Variants in SMAD9 observed in about 807,000 individuals in gnomAD.
SMAD9 encodes MAD homolog 9.
In SMAD9, 36 loss-of-function variants were observed where a neutral mutation model predicts 46.1. The ratio of observed to expected loss-of-function variants is 0.78; its 90% CI spans 0.60 to 1.03. The LOEUF (loss-of-function observed/expected upper bound fraction) is 1.03, where lower values mean the gene tolerates loss of function less well. Among genes scored for constraint, SMAD9 ranks in the 50% least tolerant of loss-of-function variants. SMAD9 has a pLI of 0.00. For synonymous variants in SMAD9, 245 were observed against 237.1 expected (o/e 1.03, Z -0.31); for missense variants, 572 against 599.8 (o/e 0.95, Z 0.48).
chr13:36,858,285 T>G (rs908257796), intron 5 of SMAD9, among the ~76,000 whole-genome samples: 1 of 152,244 alleles, frequency 6.6e-6, no homozygotes, highest in Non-Finnish European at 1.5e-5. Flanking sequence ...GAGGCAGGTC[T>G]TCCAGAGGAC....
rs1166859012 is a variant in SMAD9, at chr13:36,862,950, G to A, written c.1003+2587C>T. Among the ~76,000 whole-genome samples, 5 of 152,326 alleles carry A rather than the reference G, an allele frequency of 3.3e-5. No homozygotes were observed. In the East Asian group the frequency reaches 5.8e-4, roughly 18 times the overall value. On this transcript the variant is annotated intron_variant, in intron 5 of 6. Coordinates refer to ENST00000379826, the MANE Select transcript of SMAD9 (RefSeq NM_001127217.3). ...CAGCAGCAAGCAATCCAGGAAGCCT[G>A]CTCATGGTCTTTCTTCCACTGTTGC...
At chr13:36,871,330 C>T (rs1353206099) in intron 3 of SMAD9, among the ~76,000 whole-genome samples, 3 of 152,046 alleles carry the variant, frequency 2.0e-5, no homozygotes, top group Non-Finnish European at 2.9e-5. Flanking sequence ...CCAGCCTGGC[C>T]AACATGGTGA....
At chr13:36,868,304 G>A (rs1381823515) in intron 3 of SMAD9, among the ~76,000 whole-genome samples, 3 of 152,192 alleles carry the variant, frequency 2.0e-5, no homozygotes, top group Non-Finnish European at 2.9e-5. Flanking sequence ...TCTAATGCAG[G>A]GTTCGTGGAC....
intron 1 of SMAD9, among the ~76,000 whole-genome samples, chr13:36,881,937 A>C (rs2058406228): frequency 6.6e-6 from 1 of 152,186 alleles, no homozygotes; most frequent in South Asian, 2.1e-4. Context: ...CTTTAAGCTG[A>C]GGTCAGTCAT....
intron 2 of SMAD9, among the ~76,000 whole-genome samples, chr13:36,874,854 C>CA (rs529721275): frequency 0.089 from 5,806 of 65,134 alleles, 128 homozygotes; most frequent in Non-Finnish European, 0.11. Flanking sequence ...GACTCCGTCC[C>CA]AAAAAAAAAA....
chr13:36,900,128 T>C (rs954448873), intron 1 of SMAD9, among the ~76,000 whole-genome samples: 2 of 152,162 alleles, frequency 1.3e-5, no homozygotes, highest in Admixed American at 6.5e-5. Flanking sequence ...AAATGCCTCC[T>C]TACTTTCCCT....
intron 3 of SMAD9, among the ~76,000 whole-genome samples, chr13:36,870,709 T>C (rs549463946): frequency 2.4e-5 from 3 of 126,372 alleles, no homozygotes; most frequent in South Asian, 4.6e-4. Context: ...ACTATGTTTT[T>C]TTTCCTATAC....
At chr13:36,905,774 C>CAAAAAAAAA (rs60358673) in intron 1 of SMAD9, among the ~76,000 whole-genome samples, 32 of 66,460 alleles carry the variant, frequency 4.8e-4, no homozygotes, top group South Asian at 6.1e-4. Context: ...GACCCTGTCT[C>CAAAAAAAAA]AAAAAAAAAA....
chr13:36,912,890 T>G (rs995215008), intron 1 of SMAD9, among the ~76,000 whole-genome samples: 1 of 152,016 alleles, frequency 6.6e-6, no homozygotes, highest in Admixed American at 6.6e-5. Flanking sequence ...AATACAGTCA[T>G]CCCCAGGTAT....
chr13:36,908,882 T>C (rs1382914394), intron 1 of SMAD9, among the ~76,000 whole-genome samples: 1 of 152,208 alleles, frequency 6.6e-6, no homozygotes, highest in Non-Finnish European at 1.5e-5. Flanking sequence ...AGGCCATGAC[T>C]ACAAGGGATA....
In SMAD9 at chr13:36,853,171, G is replaced by A. The variant is rs1450985974; in HGVS notation, c.1260+248C>T. On this transcript the variant is annotated intron_variant, in intron 6 of 6. Transcript: ENST00000379826. ...GTGGTGGTGCGTGCCTGTAGTCCCA[G>A]CTACCCGGGAGGCTGAGGTAGGAAA... Among the ~76,000 whole-genome samples, 17 of 152,258 alleles carry A rather than the reference G, an allele frequency of 1.1e-4. No homozygotes were observed. The South Asian group carries it at 3.3e-3, about 30-fold the overall frequency.
chr13:36,866,460 CTTCT>C (rs1249097828), intron 4 of SMAD9, among the ~76,000 whole-genome samples: 1 of 152,086 alleles, frequency 6.6e-6, no homozygotes, highest in East Asian at 1.9e-4. Flanking sequence ...TTCAGAGTTC[CTTCT>C]TTCTTTGCCA....
chr13:36,888,292 C>G lies in SMAD9; in HGVS notation c.-186-8417G>C, dbSNP rs547809714. On this transcript the variant is annotated intron_variant, in intron 1 of 6. Coordinates refer to ENST00000379826, the MANE Select transcript of SMAD9 (RefSeq NM_001127217.3). ...TGATAATGAGTTCTCATGAGATCTG[C>G]TTGTTTGGTAAGTGTCTCGCACTTC... is the stretch of plus-strand genomic sequence containing the variant. Among the ~76,000 whole-genome samples, 59 of 152,258 alleles carry G rather than the reference C, an allele frequency of 3.9e-4. 1 individual carries two copies. The South Asian group carries it at 8.5e-3, about 22-fold the overall frequency.
At position 36,872,819 on chromosome 13, in the gene SMAD9, A is replaced by AGT. The variant is rs1431349802; in HGVS notation, c.507_508dup (p.Leu170HisfsTer77). On this transcript the variant is annotated frameshift_variant, in exon 3 of 7. Transcript: ENST00000379826. LOFTEE classifies it high-confidence loss of function. ...AGGATAGGTGGCGTTGTGTGGCATG[A>AGT]GTGGCTCACTGTGCAGGGAGGCGCT... The AGT allele has an allele frequency of 6.2e-7, 1 of 1,614,050 alleles. No homozygotes were observed. Among genetic ancestry groups the AGT allele is most frequent in the African/African-American group, 1.3e-5 (1 of 75,004 alleles).
At chr13:36,909,695 CAAGT>C (rs2058645124) in intron 1 of SMAD9, among the ~76,000 whole-genome samples, 1 of 152,134 alleles carries the variant, frequency 6.6e-6, no homozygotes, top group Non-Finnish European at 1.5e-5. Flanking sequence ...CTGTCATCTT[CAAGT>C]AATTAGTCAC....
chr13:36,862,346 C>T (rs2058190679), intron 5 of SMAD9, among the ~76,000 whole-genome samples: 1 of 152,148 alleles, frequency 6.6e-6, no homozygotes, highest in Admixed American at 6.6e-5. Flanking sequence ...AAGAAGCCAG[C>T]CAAAACCCAC....
chr13:36,910,182 G>T (rs985434613), intron 1 of SMAD9, among the ~76,000 whole-genome samples: 3 of 150,630 alleles, frequency 2.0e-5, no homozygotes, highest in Non-Finnish European at 4.4e-5. Flanking sequence ...GGGGGACACA[G>T]CGAGACTCCG....
Position 36,879,827 on chromosome 13 carries a change from T to G in SMAD9, c.-138A>C. On this transcript the variant is annotated 5_prime_UTR_variant, in exon 2 of 7. Coordinates refer to ENST00000379826, the MANE Select transcript of SMAD9 (RefSeq NM_001127217.3). Reference sequence around the variant, plus strand: ...GGGAGCAGCTGGGACCAATTCAAGTTGCGAAGTGTGTTGACTTTCTCCTAA... The same window carrying G: ...GGGAGCAGCTGGGACCAATTCAAGTGGCGAAGTGTGTTGACTTTCTCCTAA... 1.1e-6 allele frequency: 1 copy of G among 908,298 alleles called. No homozygotes were observed. The highest frequency in any genetic ancestry group is 1.7e-6 in the Non-Finnish European group (1 of 587,628). 56.3% of individuals were successfully genotyped at this position (908,298 alleles called of 1,614,324 possible). A position where few individuals can be genotyped will look rare whatever the true frequency, so the allele number is the denominator to read the frequency against.
chr13:36,894,468 T>A (rs2058512653), intron 1 of SMAD9, among the ~76,000 whole-genome samples: 1 of 152,186 alleles, frequency 6.6e-6, no homozygotes, highest in Admixed American at 6.5e-5. Flanking sequence ...TATAAATTAC[T>A]CAGTCTCTGG....
Sources: gnomAD v4.1 joint callset for allele counts (sites outside exome capture counted in the v4.1 genomes callset) on GRCh38, gnomAD v4.1.1 for gene constraint, MANE v1.5 for transcripts, NCBI Gene and HGNC (gene_info 2026-07-23, HGNC 2026-07-21) for gene names.